The following SLC35D4 variants were observed in gnomAD, a reference collection of about 807,000 sequenced individuals.
SLC35D4 encodes solute carrier family 35 member D4.
the SLC35D4 span, among the ~76,000 whole-genome samples, chr18:23,256,375 G>A: frequency 2.6e-5 from 4 of 152,350 alleles, no homozygotes; most frequent in East Asian, 3.9e-4. Context: ...GAGACTTCCC[G>A]AGGACTTAGA....
chr18:23,286,875 C>T, the SLC35D4 span, among the ~76,000 whole-genome samples: 3 of 152,092 alleles, frequency 2.0e-5, no homozygotes, highest in Non-Finnish European at 4.4e-5. Context: ...ACAGCTGCAT[C>T]TCATTGCCGC....
At chr18:23,324,211 G>A in the SLC35D4 span, among the ~76,000 whole-genome samples, 6 of 152,162 alleles carry the variant, frequency 3.9e-5, no homozygotes, top group Non-Finnish European at 8.8e-5. Flanking sequence ...GGAGAAGGCA[G>A]CCATCTGAAA....
the SLC35D4 span, among the ~76,000 whole-genome samples, chr18:23,361,892 T>A: frequency 1.3e-5 from 2 of 152,378 alleles, no homozygotes; most frequent in Non-Finnish European, 2.9e-5. Context: ...ATAATTTGCA[T>A]ACTATAAAAT....
At chr18:23,429,084 A>T in the SLC35D4 span, among the ~76,000 whole-genome samples, 4 of 152,126 alleles carry the variant, frequency 2.6e-5, no homozygotes, top group Non-Finnish European at 4.4e-5. Context: ...TCTTTATCCA[A>T]TCCACTGTTG....
At chr18:23,377,618 CT>C in the SLC35D4 span, 3 of 1,567,898 alleles carry the variant, frequency 1.9e-6, no homozygotes, top group East Asian at 2.3e-5. Flanking sequence ...TATATTATGG[CT>C]TTTTGGGGGG....
chr18:23,244,306 A>T, the SLC35D4 span, among the ~76,000 whole-genome samples: 1 of 152,220 alleles, frequency 6.6e-6, no homozygotes, highest in African/African-American at 2.4e-5. Context: ...TGGCCATGTA[A>T]ACCTGAAGCA....
At chr18:23,318,584 C>T in the SLC35D4 span, among the ~76,000 whole-genome samples, 150 of 152,210 alleles carry the variant, frequency 9.9e-4, 1 homozygote, top group Admixed American at 2.0e-3. Context: ...TTTCATAGAG[C>T]CATTCATTTA....
chr18:23,430,983 G>A, the SLC35D4 span, among the ~76,000 whole-genome samples: 12 of 151,680 alleles, frequency 7.9e-5, no homozygotes, highest in African/African-American at 2.2e-4. Context: ...GTGAAACCCC[G>A]TCTCTATTAA....
the SLC35D4 span, among the ~76,000 whole-genome samples, chr18:23,334,313 G>C: frequency 6.6e-6 from 1 of 152,112 alleles, no homozygotes; most frequent in African/African-American, 2.4e-5. Context: ...CCTGCTCCTT[G>C]TGCAGCAATC....
At chr18:23,309,228 TTGTGTGTGTGTGTGTG>T in the SLC35D4 span, among the ~76,000 whole-genome samples, 2 of 145,672 alleles carry the variant, frequency 1.4e-5, no homozygotes, top group African/African-American at 2.5e-5. Flanking sequence ...AAAGGGCTGA[TTGTGTGTGTGTGTGTG>T]TGTGTGTGTG....
the SLC35D4 span, among the ~76,000 whole-genome samples, chr18:23,281,037 C>T: frequency 3.3e-5 from 5 of 150,970 alleles, no homozygotes; most frequent in Non-Finnish European, 7.4e-5. Context: ...AAAGCCCACA[C>T]ATTGCACAAT....
chr18:23,350,913 C>T, the SLC35D4 span, among the ~76,000 whole-genome samples: 1 of 152,142 alleles, frequency 6.6e-6, no homozygotes, highest in African/African-American at 2.4e-5. Context: ...TTTTCATGAA[C>T]AAATGCGTCT....
the SLC35D4 span, among the ~76,000 whole-genome samples, chr18:23,427,912 C>A: frequency 6.6e-6 from 1 of 152,140 alleles, no homozygotes; most frequent in Non-Finnish European, 1.5e-5. Flanking sequence ...AGCAAACTAT[C>A]GCAAGGACAG....
the SLC35D4 span, among the ~76,000 whole-genome samples, chr18:23,240,403 G>A: frequency 7.2e-5 from 11 of 152,168 alleles, no homozygotes; most frequent in African/African-American, 1.9e-4. Context: ...TGATGATGCC[G>A]ACAAACCCTC....
At chr18:23,361,562 C>T in the SLC35D4 span, among the ~76,000 whole-genome samples, 4 of 152,104 alleles carry the variant, frequency 2.6e-5, no homozygotes, top group Admixed American at 2.6e-4. Context: ...TGCAATGACC[C>T]CACCTCAGCT....
the SLC35D4 span, among the ~76,000 whole-genome samples, chr18:23,431,255 G>T: frequency 6.6e-6 from 1 of 151,904 alleles, no homozygotes; most frequent in Non-Finnish European, 1.5e-5. Flanking sequence ...CCTTTTAGTT[G>T]GTGAAATGGA....
At chr18:23,352,067 G>A in the SLC35D4 span, 4 of 628,070 alleles carry the variant, frequency 6.4e-6, no homozygotes, top group Admixed American at 3.0e-5. Flanking sequence ...AATGAAGGAA[G>A]GATCAGGCTC....
At chr18:23,282,028 T>G in the SLC35D4 span, among the ~76,000 whole-genome samples, 1 of 152,250 alleles carries the variant, frequency 6.6e-6, no homozygotes, top group Non-Finnish European at 1.5e-5. Flanking sequence ...GCCCTTTTCA[T>G]TAACAGCTCC....
chr18:23,371,926 G>GTTTTTTTTGTTT, the SLC35D4 span, among the ~76,000 whole-genome samples: 5 of 11,858 alleles, frequency 4.2e-4, no homozygotes, highest in East Asian at 2.2e-3. Flanking sequence ...TTTCTTCCTT[G>GTTTTTTTTGTTT]TTTTTTTTGT....
Sources: allele counts gnomAD v4.1 joint callset (sites outside exome capture counted in the v4.1 genomes callset), GRCh38; gene constraint gnomAD v4.1.1; transcripts MANE v1.5; gene names NCBI Gene and HGNC (gene_info 2026-07-23, HGNC 2026-07-21).